CCDC112: variants seen among roughly 807,000 people sequenced by gnomAD.
The protein encoded by CCDC112 is coiled-coil domain-containing protein 112.
In CCDC112, 40 loss-of-function variants were observed where a neutral mutation model predicts 66.3. The observed-to-expected ratio is 0.60, with a 90% CI of 0.47 to 0.79. The LOEUF (loss-of-function observed/expected upper bound fraction) is 0.79, where lower values mean the gene tolerates loss of function less well. CCDC112 is among the 30% of genes least tolerant of loss of function. The pLI is 0.00. For missense variants in CCDC112, 659 were observed against 603.8 expected, an observed-to-expected ratio of 1.09 and a Z score of -0.96; for synonymous variants, 214 against 197.2, an observed-to-expected ratio of 1.09 and a Z score of -0.71.
chr5:115,295,836 T>C (rs1037915472), intron 1 of CCDC112: 4 of 945,072 alleles, frequency 4.2e-6, no homozygotes, highest in East Asian at 1.2e-4. Flanking sequence ...GGACTGGGTG[T>C]GCCGCGTAAG....
chr5:115,276,177 A>C, intron 4 of CCDC112, 108 bp from the exon 5 acceptor site: 2 of 752,668 alleles, frequency 2.7e-6, no homozygotes, highest in Non-Finnish European at 4.3e-6. Flanking sequence ...AATATTTCTT[A>C]GCCTAAGGCA....
intron 1 of CCDC112, among the ~76,000 whole-genome samples, chr5:115,287,218 C>A (rs1749712068): frequency 6.6e-6 from 1 of 152,144 alleles, no homozygotes. Context: ...TTATTACAGT[C>A]ATCTTAATGG....
In CCDC112 at chr5:115,271,195, G is replaced by A. The variant is rs201159756; in HGVS notation, c.1332+18C>T. 5.1e-6 allele frequency: 8 copies of A among 1,557,086 alleles called. No individual in the cohort carries two copies. The East Asian group carries it at 1.3e-4, about 26-fold the overall frequency. ...ATGTGTAGCATTTAAAAATTATTTA[G>A]GAAATAGATTTACTCACTCTTTCTT... On this transcript the variant is annotated intron_variant, in intron 7 of 9. Coordinates refer to ENST00000379611, the MANE Select transcript of CCDC112 (RefSeq NM_001040440.3).
At chr5:115,286,532 G>T (rs1196489160) in intron 1 of CCDC112, among the ~76,000 whole-genome samples, 1 of 152,130 alleles carries the variant, frequency 6.6e-6, no homozygotes, top group African/African-American at 2.4e-5. Context: ...GTGAATGCAT[G>T]TTTTCAATTC....
chr5:115,270,002 C>A (rs1293437459), intron 7 of CCDC112, among the ~76,000 whole-genome samples: 6 of 152,014 alleles, frequency 3.9e-5, no homozygotes, highest in Non-Finnish European at 8.8e-5. Flanking sequence ...TTATTTTAGG[C>A]ATCTCTTGTT....
At chr5:115,292,654 T>A (rs1749984934) in intron 1 of CCDC112, among the ~76,000 whole-genome samples, 1 of 152,240 alleles carries the variant, frequency 6.6e-6, no homozygotes, top group Non-Finnish European at 1.5e-5. Context: ...TTGTTGCTGT[T>A]TGTTTGGTCA....
chr5:115,276,152 T>C lies in CCDC112; in HGVS notation c.452-83A>G, dbSNP rs998371026. On this transcript the variant is annotated intron_variant, in intron 4 of 9. Coordinates refer to ENST00000379611, the MANE Select transcript of CCDC112 (RefSeq NM_001040440.3). ...AATATTAGGAAGAAAAAGTGGAATG[T>C]TCTCCTAATTTTAAAATATTTCTTA... 2.1e-6 allele frequency: 2 copies of C among 938,734 alleles called. 1 individual carries two copies. The highest frequency in any genetic ancestry group is 3.0e-5 in the South Asian group (2 of 66,198). The allele number at this position is 938,734 out of a possible 1,614,324, so 58.2% of individuals were successfully genotyped here. A position where few individuals can be genotyped will look rare whatever the true frequency, so the allele number is the denominator to read the frequency against.
intron 1 of CCDC112, among the ~76,000 whole-genome samples, chr5:115,292,552 C>T (rs1021460670): frequency 1.2e-4 from 18 of 152,156 alleles, no homozygotes; most frequent in Admixed American, 8.5e-4. Flanking sequence ...ACTTTCTTGC[C>T]GTGTCTCATA....
At position 115,271,255 on chromosome 5, in the gene CCDC112, T is replaced by C. The variant is rs1286764963; in HGVS notation, c.1290A>G (p.Lys430=). Residue 430 remains lysine (K), a synonymous_variant, in exon 7 of 10, where the codon AAA becomes AAG. Coordinates refer to ENST00000379611, the MANE Select transcript of CCDC112 (RefSeq NM_001040440.3). Reference sequence around the variant, plus strand: ...AAATTTCATCAGCAGCATTTTTCCTTTTTTCTGCCTTTTCTGCCTTTTCCC... The same window carrying C: ...AAATTTCATCAGCAGCATTTTTCCTCTTTTCTGCCTTTTCTGCCTTTTCCC... The part of the protein sequence containing the change: ...EIREKAEKAE[K]RKNAADEISR... 2.5e-6 allele frequency: 4 copies of C among 1,583,408 alleles called. No homozygotes were observed. The Admixed American group carries it at 6.0e-5, about 24-fold the overall frequency.
intron 1 of CCDC112, among the ~76,000 whole-genome samples, chr5:115,290,024 T>A (rs1458668703): frequency 6.6e-6 from 1 of 152,206 alleles, no homozygotes; most frequent in African/African-American, 2.4e-5. Context: ...ATCCAAAGTA[T>A]CTATTTAGTC....
intron 6 of CCDC112, 41 bp from the exon 7 acceptor site, chr5:115,271,667 T>C: frequency 7.5e-7 from 1 of 1,329,526 alleles, no homozygotes; most frequent in Non-Finnish European, 1.0e-6. Context: ...GAGAAAAAAG[T>C]TTTTTAATAG....
intron 2 of CCDC112, chr5:115,280,230 A>T: frequency 6.1e-6 from 1 of 163,080 alleles, no homozygotes. Context: ...CCACTATCTA[A>T]TAGGGCTATT....
chr5:115,274,493 A>C (rs1749122559), intron 6 of CCDC112, among the ~76,000 whole-genome samples: 1 of 152,206 alleles, frequency 6.6e-6, no homozygotes, highest in Non-Finnish European at 1.5e-5. Flanking sequence ...AGAAATGTTT[A>C]CTAGTCAAAG....
intron 1 of CCDC112, chr5:115,295,880 G>A: frequency 1.0e-6 from 1 of 985,152 alleles, no homozygotes; most frequent in Non-Finnish European, 1.2e-6. Context: ...GGAAAGTCTC[G>A]CTGAGCTGAT....
chr5:115,275,654 C>A (rs766643859), intron 5 of CCDC112, 48 bp from the exon 6 acceptor site: 15 of 1,333,988 alleles, frequency 1.1e-5, no homozygotes, highest in East Asian at 2.4e-5. Flanking sequence ...TCCATATTAA[C>A]CCTTAATTTT....
intron 1 of CCDC112, 71 bp downstream of exon 1, chr5:115,296,356 G>A: frequency 6.8e-7 from 1 of 1,479,366 alleles, no homozygotes; most frequent in Non-Finnish European, 8.9e-7. Context: ...CGCTGCAGAG[G>A]GCACCTGTTC....
At chr5:115,287,445 C>T (rs1018587828) in intron 1 of CCDC112, among the ~76,000 whole-genome samples, 4 of 152,046 alleles carry the variant, frequency 2.6e-5, no homozygotes, top group African/African-American at 9.7e-5. Context: ...GAACAGAGCT[C>T]CTGCAGTAGG....
At chr5:115,272,943 G>GA (rs140434546) in intron 6 of CCDC112, among the ~76,000 whole-genome samples, 6 of 148,614 alleles carry the variant, frequency 4.0e-5, no homozygotes, top group Admixed American at 1.3e-4. Flanking sequence ...ATTTTCTATG[G>GA]AAAAAAAAAA....
chr5:115,269,173 C>T (rs1748897580), intron 8 of CCDC112, among the ~76,000 whole-genome samples, 173 bp from the exon 9 acceptor site: 1 of 152,122 alleles, frequency 6.6e-6, no homozygotes, highest in Non-Finnish European at 1.5e-5. Context: ...AAAATTTAGA[C>T]TACATCAATC....
Sources: gnomAD v4.1 joint callset for allele counts (sites outside exome capture counted in the v4.1 genomes callset) on GRCh38, gnomAD v4.1.1 for gene constraint, MANE v1.5 for transcripts, NCBI Gene and HGNC (gene_info 2026-07-23, HGNC 2026-07-21) for gene names.